ALG1: variants seen among roughly 807,000 people sequenced by gnomAD.
ALG1 encodes the protein ALG1 chitobiosyldiphosphodolichol beta-mannosyltransferase, also known as chitobiosyldiphosphodolichol beta-mannosyltransferase.
Under a neutral mutation model 55.1 loss-of-function variants are expected in ALG1, and 58 were observed. The ratio of observed to expected loss-of-function variants is 1.05; its 90% CI spans 0.85 to 1.31. The LOEUF is 1.31. Among genes scored for constraint, ALG1 ranks in the 50% most tolerant of loss-of-function variants. The pLI is 0.00. For missense variants in ALG1, 761 were observed against 598.6 expected (o/e 1.27, Z -2.83); for synonymous variants, 309 against 247.0 (o/e 1.25, Z -2.35).
chr16:5,072,775 A>G (rs1017337382), intron 1 of ALG1, among the ~76,000 whole-genome samples, 176 bp from the exon 2 acceptor site: 1 of 152,214 alleles, frequency 6.6e-6, no homozygotes, highest in Admixed American at 6.5e-5. Flanking sequence ...TGTGCCTCCT[A>G]GAGCAATCTG....
rs1452515979 is a variant in ALG1 at position 5,071,883 on chromosome 16, T to A, written c.34T>A (p.Cys12Ser). ...CTCATGCTTGGTCCTGCTGGCGCTG[T>A]GTCTGCTGCTGCCGCTGCTGCTGCT... ...AASCLVLLAL[C>S]LLLPLLLLGG... The change falls in exon 1 of 13, where the codon TGT (cysteine) becomes AGT (serine). Residue 12 changes from cysteine (C) to serine (S), a missense_variant. By Grantham distance (112) the Cys-to-Ser change is moderately radical (BLOSUM62 -1). Coordinates refer to ENST00000262374, the MANE Select transcript of ALG1 (RefSeq NM_019109.5). The A allele has an allele frequency of 1.2e-6, 2 of 1,602,768 alleles. No individual in the cohort carries two copies. Among genetic ancestry groups the A allele is most frequent in the African/African-American group, 2.7e-5 (2 of 74,742 alleles).
intron 1 of ALG1, 104 bp from the exon 2 acceptor site, chr16:5,072,847 T>C (rs565785822): frequency 1.9e-4 from 210 of 1,092,708 alleles, no homozygotes; most frequent in East Asian, 1.5e-3. Flanking sequence ...TTTTGAAATA[T>C]CTTACTTTCC....
At chr16:5,081,168 T>C in intron 10 of ALG1, 112 bp downstream of exon 10, 1 of 1,260,692 alleles carries the variant, frequency 7.9e-7, no homozygotes, top group Admixed American at 2.2e-5. Context: ...ACCTGGGCTC[T>C]GGCTGAACTC....
At chr16:5,083,873 A>C in intron 12 of ALG1, 116 bp downstream of exon 12, 1 of 1,489,954 alleles carries the variant, frequency 6.7e-7, no homozygotes, top group South Asian at 1.2e-5. Flanking sequence ...GTCTGGCGGA[A>C]AAGCTAGGGA....
chr16:5,077,403 G>C, intron 4 of ALG1, 42 bp from the exon 5 acceptor site: 1 of 1,542,014 alleles, frequency 6.5e-7, no homozygotes, highest in Non-Finnish European at 9.0e-7. Context: ...TGGTAGCGGA[G>C]GCCTGTCTAG....
chr16:5,079,043 C>T (rs779546508), intron 7 of ALG1, 21 bp from the exon 8 acceptor site: 2 of 1,603,726 alleles, frequency 1.2e-6, no homozygotes, highest in Non-Finnish European at 1.7e-6. Context: ...AGGCCCCTGA[C>T]ATTCAATTCT....
intron 1 of ALG1, 84 bp downstream of exon 1, chr16:5,072,141 A>C (rs1350920644): frequency 6.5e-7 from 1 of 1,547,410 alleles, no homozygotes; most frequent in South Asian, 1.2e-5. Context: ...TCGAGGCGGA[A>C]GTGCTCCTTT....
chr16:5,071,925 T>G lies in ALG1; in HGVS notation c.76T>G (p.Trp26Gly). ...PLLLLGGWKR[W>G]RRGRAARHVV... ...GCTGCTGCTGGGAGGATGGAAGCGC[T>G]GGCGCCGGGGGCGGGCGGCCCGGCA... is the stretch of plus-strand genomic sequence containing the variant. The change falls in exon 1 of 13, where the codon TGG becomes GGG. Residue 26 changes from tryptophan (W) to glycine (G), a missense_variant. Physicochemically the swap from Trp to Gly is radical, Grantham distance 184. Transcript: ENST00000262374. 6.3e-7 allele frequency: 1 copy of G among 1,593,844 alleles called. No individual in the cohort carries two copies. Among genetic ancestry groups the G allele is most frequent in the South Asian group, 1.1e-5 (1 of 88,828 alleles).
At position 5,085,677 on chromosome 16, in the gene ALG1, G is replaced by A. The variant is rs267604573; in HGVS notation, c.*796G>A. 6.2e-7 allele frequency: 1 copy of A among 1,611,894 alleles called. No homozygotes were observed. The highest frequency in any genetic ancestry group is 8.5e-7 in the Non-Finnish European group (1 of 1,179,766). On this transcript the variant is annotated 3_prime_UTR_variant, in exon 13 of 13. Coordinates refer to ENST00000262374, the MANE Select transcript of ALG1 (RefSeq NM_019109.5). ...TTGCCATCTCCAAGTGCTCTTCGTAGGGAAACAGTTTCTGCTCATGACGAG... is the reference window on the plus strand; with the variant it reads ...TTGCCATCTCCAAGTGCTCTTCGTAAGGAAACAGTTTCTGCTCATGACGAG...
chr16:5,079,745 C>T lies in ALG1; in HGVS notation c.902-3C>T. The T allele has an allele frequency of 6.2e-7, 1 of 1,611,424 alleles. No homozygotes were observed. The highest frequency in any genetic ancestry group is 8.5e-7 in the Non-Finnish European group (1 of 1,179,534). ...GTAGAATTGTTTCTTTTTCTAAACA[C>T]AGAGTTTGAACAACTGACTCTTGAT... On this transcript the variant is annotated splice_region_variant and splice_polypyrimidine_tract_variant and intron_variant, in intron 8 of 12. Coordinates refer to ENST00000262374, the MANE Select transcript of ALG1 (RefSeq NM_019109.5).
At chr16:5,078,942 C>T (rs1956965305) in intron 7 of ALG1, 64 bp downstream of exon 7, 1 of 1,598,734 alleles carries the variant, frequency 6.3e-7, no homozygotes, top group Non-Finnish European at 8.5e-7. Flanking sequence ...CTGTGTTCTC[C>T]TCACCCCTGC....
rs192902200 is a variant in ALG1, at chr16:5,086,624, G to A, written c.*1743G>A. ...GCCAGTAATTTTTTTATTTTGTAGA[G>A]ATGGGGTCCTGAACGCATGGCCTCA... On this transcript the variant is annotated 3_prime_UTR_variant, in exon 13 of 13. Transcript: ENST00000262374. 3 of 151,734 alleles carry A rather than the reference G, an allele frequency of 2.0e-5. No individual in the cohort carries two copies. The highest frequency in any genetic ancestry group is 1.3e-4 in the Admixed American group (2 of 15,226). 9.4% of individuals were successfully genotyped at this position (151,734 alleles called of 1,614,324 possible). A position where few individuals can be genotyped will look rare whatever the true frequency, so the allele number is the denominator to read the frequency against.
At position 5,086,362 on chromosome 16, in the gene ALG1, C is replaced by G. The variant is rs1431200595; in HGVS notation, c.*1481C>G. On this transcript the variant is annotated 3_prime_UTR_variant, in exon 13 of 13. Transcript: ENST00000262374. ...AAAAAAAAAAAAAAAACCACACGCA[C>G]CACACACACACCCACACACACACAC... The G allele has an allele frequency of 6.6e-6, 1 of 152,076 alleles. No homozygotes were observed. Among genetic ancestry groups the G allele is most frequent in the Non-Finnish European group, 1.4e-5 (1 of 69,140 alleles). The allele number at this position is 152,076 out of a possible 1,614,324, so 9.4% of individuals were successfully genotyped here. A position where few individuals can be genotyped will look rare whatever the true frequency, so the allele number is the denominator to read the frequency against.
Position 5,072,954 on chromosome 16 carries a change from C to T in ALG1, c.212C>T (p.Ser71Phe), listed in dbSNP as rs200605408. The change falls in exon 2 of 13, where the codon TCC becomes TTC. Residue 71 changes from serine (S) to phenylalanine (F), a missense_variant. Coordinates refer to ENST00000262374, the MANE Select transcript of ALG1 (RefSeq NM_019109.5). ...AGGGATCATTCTCATTTTTCAGACT[C>T]CAAACCCCATGATGAGCTCTTGCAG... ...FSVTLLGFCN[S>F]KPHDELLQNN... 4.9e-5 allele frequency: 79 copies of T among 1,614,044 alleles called. No homozygotes were observed. The highest frequency in any genetic ancestry group is 8.5e-6 in the Non-Finnish European group (10 of 1,180,002).
At position 5,075,014 on chromosome 16, in the gene ALG1, C is replaced by A. The variant is rs192173437; in HGVS notation, c.391-374C>A. On this transcript the variant is annotated intron_variant, in intron 3 of 12. Coordinates refer to ENST00000262374, the MANE Select transcript of ALG1 (RefSeq NM_019109.5). ...ATCCTCCTGGGCTCAAGTGATCCTA[C>A]CTCCTCAGCCTCCTGAGTAGCTGGG... Among the ~76,000 whole-genome samples the A allele has an allele frequency of 5.9e-5, 9 of 152,260 alleles. 1 individual carries two copies. The highest frequency in any genetic ancestry group is 5.2e-4 in the Admixed American group (8 of 15,296).
chr16:5,082,578 C>G lies in ALG1; in HGVS notation c.1092C>G (p.Val364=), dbSNP rs113602091. 4,871 of 1,612,018 alleles carry G rather than the reference C, an allele frequency of 3.0e-3. 15 individuals carry two copies. Among genetic ancestry groups the G allele is most frequent in the Non-Finnish European group, 3.6e-3 (4,192 of 1,179,858 alleles). Residue 364 remains valine, a synonymous_variant, in exon 11 of 13, where the codon GTC becomes GTG. Transcript: ENST00000262374. ...PLLLGSADLG[V]CLHTSSSGLD... is the part of the protein sequence containing the mutation. ...TAGCAGGGTCGGCGGACCTGGGTGT[C>G]TGTCTGCACACGTCCTCCAGTGGCC...
intron 3 of ALG1, 81 bp from the exon 4 acceptor site, chr16:5,075,307 T>G: frequency 2.1e-6 from 3 of 1,421,844 alleles, no homozygotes; most frequent in Non-Finnish European, 3.0e-6. Context: ...CTCATCACCA[T>G]GTGTGTTGTG....
In ALG1 at chr16:5,085,071, C is replaced by T. The variant is rs1957107581; in HGVS notation, c.*190C>T. ...GCTTTGGTTGGCCTTGATTTCTTCT[C>T]TGGAGGCTTGGAAACGCTTCCTCTC... is the stretch of plus-strand genomic sequence containing the variant. On this transcript the variant is annotated 3_prime_UTR_variant, in exon 13 of 13. Coordinates refer to ENST00000262374, the MANE Select transcript of ALG1 (RefSeq NM_019109.5). 2 of 1,064,576 alleles carry T rather than the reference C, an allele frequency of 1.9e-6. No individual in the cohort carries two copies. Among genetic ancestry groups the T allele is most frequent in the Non-Finnish European group, 2.7e-6 (2 of 740,968 alleles). The allele number at this position is 1,064,576 out of a possible 1,614,324, so 65.9% of individuals were successfully genotyped here.
chr16:5,073,010 G>A lies in ALG1; in HGVS notation c.268G>A (p.Glu90Lys). 6.2e-7 allele frequency: 1 copy of A among 1,614,208 alleles called. No individual in the cohort carries two copies. The highest frequency in any genetic ancestry group is 1.3e-5 in the African/African-American group (1 of 75,046). ...CAGAATTCAGATTGTGGGGTTGACA[G>A]AACTTCAGAGTCTTGCAGGTAGGAT... is the stretch of plus-strand genomic sequence containing the variant. ...NNRIQIVGLT[E>K]LQSLAVGPRV... Residue 90 changes from glutamate to lysine, a missense_variant, in exon 2 of 13, where the codon GAA (glutamate) becomes AAA (lysine). Glu to Lys is a moderately conservative substitution (Grantham distance 56). Coordinates refer to ENST00000262374, the MANE Select transcript of ALG1 (RefSeq NM_019109.5).
Sources: gnomAD v4.1 joint callset for allele counts (sites outside exome capture counted in the v4.1 genomes callset) on GRCh38, gnomAD v4.1.1 for gene constraint, MANE v1.5 for transcripts, NCBI Gene and HGNC (gene_info 2026-07-23, HGNC 2026-07-21) for gene names.